DAB1: variants seen among roughly 807,000 people sequenced by gnomAD.
DAB1 encodes the protein disabled homolog 1.
In DAB1, 15 loss-of-function variants were observed where a neutral mutation model predicts 64.6. The ratio of observed to expected loss-of-function variants is 0.23; its 90% CI spans 0.16 to 0.36. The LOEUF (loss-of-function observed/expected upper bound fraction) is 0.36. Among genes scored for constraint, DAB1 ranks in the 10% least tolerant of loss-of-function variants. The pLI, the probability that DAB1 is intolerant of heterozygous loss-of-function variation, is 1.00. For missense variants in DAB1, 596 were observed against 706.7 expected (o/e 0.84, Z 1.78); for synonymous variants, 235 against 251.9 (o/e 0.93, Z 0.64).
At chr1:58,324,277 C>T (rs1460797006) in intron 4 of DAB1, among the ~76,000 whole-genome samples, 1 of 152,186 alleles carries the variant, frequency 6.6e-6, no homozygotes, top group Non-Finnish European at 1.5e-5. Context: ...TAAAGGATTA[C>T]TGAGTTATTG....
intron 5 of DAB1, among the ~76,000 whole-genome samples, chr1:58,012,465 T>C (rs992995689): frequency 3.9e-5 from 6 of 152,126 alleles, no homozygotes; most frequent in African/African-American, 1.4e-4. Context: ...CGTGCACATG[T>C]ACCCTAAAAC....
chr1:57,294,419 T>A (rs1673029282), intron 1 of DAB1, among the ~76,000 whole-genome samples: 1 of 151,828 alleles, frequency 6.6e-6, no homozygotes, highest in Non-Finnish European at 1.5e-5. Flanking sequence ...ATTGATGGGG[T>A]GGGGGCCAAA....
At chr1:57,142,525 A>G (rs1244746191) in intron 3 of DAB1, among the ~76,000 whole-genome samples, 1 of 151,866 alleles carries the variant, frequency 6.6e-6, no homozygotes, top group African/African-American at 2.4e-5. Flanking sequence ...AGTATGTTAT[A>G]GTAGGACAAA....
intron 4 of DAB1, among the ~76,000 whole-genome samples, chr1:58,202,104 A>G (rs1658028971): frequency 6.6e-6 from 1 of 152,204 alleles, no homozygotes; most frequent in Admixed American, 6.5e-5. Flanking sequence ...AAGAACCTAA[A>G]ACACTGTTTG....
chr1:58,021,281 AC>A (rs919995592), intron 5 of DAB1, among the ~76,000 whole-genome samples: 2 of 152,206 alleles, frequency 1.3e-5, no homozygotes, highest in African/African-American at 2.4e-5. Context: ...TGTGCGTATG[AC>A]CTAAATCACC....
intron 9 of DAB1, 75 bp from the exon 10 acceptor site, chr1:57,026,118 G>T: frequency 9.5e-7 from 1 of 1,050,204 alleles, no homozygotes; most frequent in Non-Finnish European, 1.4e-6. Context: ...CACACAGTAT[G>T]GTATGGGGAT....
chr1:57,229,832 G>T (rs935884996), intron 2 of DAB1, among the ~76,000 whole-genome samples: 1 of 152,084 alleles, frequency 6.6e-6, no homozygotes, highest in East Asian at 1.9e-4. Context: ...CCCATGTGAG[G>T]TCACCTCATG....
chr1:57,430,801 T>C (rs549689811), intron 7 of DAB1, among the ~76,000 whole-genome samples: 3 of 152,228 alleles, frequency 2.0e-5, no homozygotes, highest in African/African-American at 7.2e-5. Context: ...TTCATGCTTA[T>C]AATCAAATTC....
intron 5 of DAB1, among the ~76,000 whole-genome samples, chr1:57,982,022 T>G (rs980034812): frequency 1.3e-5 from 2 of 152,182 alleles, no homozygotes; most frequent in African/African-American, 4.8e-5. Context: ...GGCAACAGAC[T>G]CTCAGTGACA....
intron 3 of DAB1, among the ~76,000 whole-genome samples, chr1:58,440,987 C>G (rs1304360985): frequency 2.6e-5 from 4 of 152,206 alleles, no homozygotes; most frequent in Admixed American, 1.3e-4. Context: ...CAGTGCAAAA[C>G]ACGTGCCTTG....
At chr1:58,092,817 G>A (rs530565267) in intron 5 of DAB1, among the ~76,000 whole-genome samples, 3 of 152,176 alleles carry the variant, frequency 2.0e-5, no homozygotes, top group Admixed American at 2.0e-4. Context: ...ATCTCTCATA[G>A]CCATCCACCG....
At chr1:57,498,590 T>A (rs1000636656) in intron 7 of DAB1, among the ~76,000 whole-genome samples, 7 of 152,152 alleles carry the variant, frequency 4.6e-5, no homozygotes, top group African/African-American at 1.7e-4. Context: ...GACATTGAGA[T>A]CACTTGATGA....
intron 1 of DAB1, among the ~76,000 whole-genome samples, chr1:57,340,466 T>C (rs1469978137): frequency 6.6e-6 from 1 of 152,226 alleles, no homozygotes; most frequent in African/African-American, 2.4e-5. Context: ...AGTCTGTCTA[T>C]CAGATATGCT....
intron 1 of DAB1, among the ~76,000 whole-genome samples, chr1:57,844,292 C>T (rs538169869): frequency 5.9e-5 from 9 of 152,272 alleles, no homozygotes; most frequent in African/African-American, 1.9e-4. Context: ...AGCAGCCCTG[C>T]TTTTTCCTCT....
intron 8 of DAB1, among the ~76,000 whole-genome samples, chr1:57,068,576 TATA>T (rs1160597862): frequency 1.3e-5 from 2 of 152,334 alleles, no homozygotes; most frequent in East Asian, 3.9e-4. Flanking sequence ...TTTCTTCCCC[TATA>T]ATGTTTCTAT....
Position 57,059,902 on chromosome 1 carries a change from A to G in DAB1, c.723+2982T>C, listed in dbSNP as rs1650207083. On this transcript the variant is annotated intron_variant, in intron 9 of 14. Transcript: ENST00000371236. Reference sequence around the variant, plus strand: ...TCTTAGGCTTTTGAAAATGTTGAAAATAGCTCATGGAAAAGTCATCATTAC... The same window carrying G: ...TCTTAGGCTTTTGAAAATGTTGAAAGTAGCTCATGGAAAAGTCATCATTAC... Among the ~76,000 whole-genome samples the G allele has an allele frequency of 1.3e-5, 2 of 152,092 alleles. 1 individual carries two copies. Among genetic ancestry groups the G allele is most frequent in the South Asian group, 4.1e-4 (2 of 4,824 alleles).
At chr1:57,008,550 C>T (rs1300922105) in intron 14 of DAB1, among the ~76,000 whole-genome samples, 1 of 152,094 alleles carries the variant, frequency 6.6e-6, no homozygotes. Context: ...CATAATAACC[C>T]TATGAGGTGG....
At chr1:58,304,290 A>G (rs1662249916) in intron 4 of DAB1, among the ~76,000 whole-genome samples, 1 of 152,114 alleles carries the variant, frequency 6.6e-6, no homozygotes, top group African/African-American at 2.4e-5. Flanking sequence ...ATGGGAAACA[A>G]ATTTGCCCCC....
At chr1:58,300,610 A>G (rs28493676) in intron 4 of DAB1, among the ~76,000 whole-genome samples, 476 of 46,652 alleles carry the variant, frequency 0.01, 3 homozygotes, top group African/African-American at 0.012. Flanking sequence ...GAAAGAAAGA[A>G]AGAGAGAGAG....
Sources: gnomAD v4.1 joint callset for allele counts (sites outside exome capture counted in the v4.1 genomes callset) on GRCh38, gnomAD v4.1.1 for gene constraint, MANE v1.5 for transcripts, NCBI Gene and HGNC (gene_info 2026-07-23, HGNC 2026-07-21) for gene names.